CDH12: variants seen among roughly 807,000 people sequenced by gnomAD.
CDH12 encodes cadherin 12, also known as cadherin-12.
Under a neutral mutation model 74.1 loss-of-function variants are expected in CDH12, and 41 were observed. That is an observed-to-expected ratio of 0.55 (90% CI 0.43 to 0.72). The LOEUF (loss-of-function observed/expected upper bound fraction) is 0.72. Ranked by LOEUF, CDH12 falls within the 30% of genes least tolerant of loss-of-function variation. CDH12 has a pLI of 0.00. For missense variants in CDH12, 945 were observed against 977.2 expected (o/e 0.97, Z 0.44); for synonymous variants, 399 against 355.0 (o/e 1.12, Z -1.39).
chr5:21,921,699 G>C (rs764763158), intron 6 of CDH12, among the ~76,000 whole-genome samples: 10 of 152,148 alleles, frequency 6.6e-5, no homozygotes, highest in Admixed American at 6.6e-4. Flanking sequence ...GGAAGAATCT[G>C]ACACTACAAA....
At chr5:22,296,913 A>G (rs2150416831) in intron 3 of CDH12, among the ~76,000 whole-genome samples, 1 of 152,308 alleles carries the variant, frequency 6.6e-6, no homozygotes, top group East Asian at 1.9e-4. Context: ...TATCTTTAGG[A>G]AAGCATACAA....
intron 1 of CDH12, among the ~76,000 whole-genome samples, chr5:22,653,419 G>A (rs1253120707): frequency 1.3e-5 from 2 of 151,764 alleles, no homozygotes; most frequent in Non-Finnish European, 2.9e-5. Flanking sequence ...GGCCCACGAC[G>A]GAGCCATCGT....
intron 6 of CDH12, among the ~76,000 whole-genome samples, chr5:21,952,434 A>G (rs1240059779): frequency 6.6e-6 from 1 of 152,196 alleles, no homozygotes; most frequent in Non-Finnish European, 1.5e-5. Context: ...TTCACAGGGT[A>G]AAAGTCAGGA....
At chr5:22,574,538 A>C (rs1021383305) in intron 1 of CDH12, among the ~76,000 whole-genome samples, 2 of 152,138 alleles carry the variant, frequency 1.3e-5, no homozygotes, top group African/African-American at 4.8e-5. Flanking sequence ...CCTTCCACAT[A>C]TAGTAGGCTC....
intron 1 of CDH12, among the ~76,000 whole-genome samples, chr5:22,797,797 T>G (rs1439586707): frequency 1.3e-5 from 2 of 151,574 alleles, no homozygotes; most frequent in Admixed American, 6.6e-5. Flanking sequence ...ATATCTGACT[T>G]AAGATTTTGA....
chr5:22,019,080 AGAAG>A (rs1737798135), intron 5 of CDH12, among the ~76,000 whole-genome samples: 4 of 151,972 alleles, frequency 2.6e-5, no homozygotes, highest in Non-Finnish European at 5.9e-5. Context: ...AAAATTAAAA[AGAAG>A]GAAATATTTC....
chr5:22,783,968 A>G (rs1747505983), intron 1 of CDH12, among the ~76,000 whole-genome samples: 4 of 152,156 alleles, frequency 2.6e-5, no homozygotes, highest in Admixed American at 2.6e-4. Flanking sequence ...TTTTAAAATC[A>G]GAAATATATA....
At chr5:21,903,462 A>C (rs1015109046) in intron 6 of CDH12, among the ~76,000 whole-genome samples, 2 of 152,002 alleles carry the variant, frequency 1.3e-5, no homozygotes, top group African/African-American at 4.8e-5. Context: ...TCCTGCCCTT[A>C]CCCCTTATTG....
chr5:22,428,275 A>C (rs529970375), intron 2 of CDH12, among the ~76,000 whole-genome samples: 2 of 152,230 alleles, frequency 1.3e-5, no homozygotes, highest in Admixed American at 1.3e-4. Context: ...TATAGATATC[A>C]TATATCCATT....
chr5:22,641,537 CG>C (rs1226791875), intron 1 of CDH12, among the ~76,000 whole-genome samples: 2 of 152,022 alleles, frequency 1.3e-5, no homozygotes, highest in Admixed American at 1.3e-4. Context: ...AGCACTTTAC[CG>C]GTTCGCTAGC....
At chr5:22,025,453 A>G (rs915144831) in intron 5 of CDH12, among the ~76,000 whole-genome samples, 1 of 152,180 alleles carries the variant, frequency 6.6e-6, no homozygotes, top group Non-Finnish European at 1.5e-5. Flanking sequence ...AGGTGCATTT[A>G]AAAATATTTA....
At chr5:21,822,538 A>G (rs1474940631) in intron 8 of CDH12, among the ~76,000 whole-genome samples, 1 of 152,072 alleles carries the variant, frequency 6.6e-6, no homozygotes, top group East Asian at 1.9e-4. Flanking sequence ...AATGTTGTCC[A>G]TAAGAAAGAA....
chr5:22,717,697 T>C (rs1182403292), intron 1 of CDH12, among the ~76,000 whole-genome samples: 1 of 152,152 alleles, frequency 6.6e-6, no homozygotes, highest in African/African-American at 2.4e-5. Flanking sequence ...TTAGACTATG[T>C]AGTAAGGTGT....
intron 4 of CDH12, among the ~76,000 whole-genome samples, chr5:22,112,384 C>T (rs906327325): frequency 2.6e-5 from 4 of 152,060 alleles, no homozygotes; most frequent in African/African-American, 9.7e-5. Flanking sequence ...ACACACATTT[C>T]TCTTCATTAA....
intron 4 of CDH12, among the ~76,000 whole-genome samples, chr5:22,098,937 T>C (rs1743969361): frequency 6.6e-6 from 1 of 152,130 alleles, no homozygotes; most frequent in African/African-American, 2.4e-5. Context: ...ATTGTAGAAA[T>C]CTATCCTCAA....
At chr5:22,742,341 G>A (rs1745070859) in intron 1 of CDH12, among the ~76,000 whole-genome samples, 1 of 152,150 alleles carries the variant, frequency 6.6e-6, no homozygotes, top group Non-Finnish European at 1.5e-5. Flanking sequence ...CTGAGTATGA[G>A]CTGCCCTCTG....
chr5:22,805,359 C>A (rs1043074811), intron 1 of CDH12, among the ~76,000 whole-genome samples: 6 of 151,724 alleles, frequency 4.0e-5, no homozygotes, highest in Non-Finnish European at 7.4e-5. Flanking sequence ...CCCATTTAAA[C>A]AAAATTTCTT....
chr5:22,387,228 T>A (rs1234720590), intron 3 of CDH12, among the ~76,000 whole-genome samples: 7 of 152,028 alleles, frequency 4.6e-5, no homozygotes, highest in African/African-American at 1.7e-4. Flanking sequence ...AAAAGTTACA[T>A]TTTTAAAAAT....
intron 5 of CDH12, among the ~76,000 whole-genome samples, chr5:21,982,893 T>C (rs1042878410): frequency 3.3e-5 from 5 of 152,028 alleles, no homozygotes; most frequent in African/African-American, 1.2e-4. Flanking sequence ...AACATCTTTG[T>C]CTGTTAGTGG....
Sources: allele counts gnomAD v4.1 joint callset (sites outside exome capture counted in the v4.1 genomes callset), GRCh38; gene constraint gnomAD v4.1.1; transcripts MANE v1.5; gene names NCBI Gene and HGNC (gene_info 2026-07-23, HGNC 2026-07-21).